Variants in RBFOX2 observed in about 807,000 individuals in gnomAD.
The protein encoded by RBFOX2 is RNA binding protein fox-1 homolog 2.
RBFOX2 carries 10 observed loss-of-function variants against 49.1 expected under a neutral mutation model. The ratio of observed to expected loss-of-function variants is 0.20; its 90% CI spans 0.13 to 0.35. The LOEUF (loss-of-function observed/expected upper bound fraction) is 0.35, where lower values mean the gene tolerates loss of function less well. RBFOX2 is among the 10% of genes least tolerant of loss of function. The pLI is 1.00. For missense variants in RBFOX2, 323 were observed against 486.9 expected, an observed-to-expected ratio of 0.66 and a Z score of 3.17; for synonymous variants, 183 against 187.4, an observed-to-expected ratio of 0.98 and a Z score of 0.19.
intron 1 of RBFOX2, among the ~76,000 whole-genome samples, chr22:35,865,702 G>C (rs1263970045): frequency 6.6e-6 from 1 of 152,096 alleles, no homozygotes; most frequent in African/African-American, 2.4e-5. Flanking sequence ...GCTGCAAATA[G>C]ATGAGTATGA....
At chr22:35,986,657 T>C (rs556585884) in intron 1 of RBFOX2, among the ~76,000 whole-genome samples, 19 of 152,262 alleles carry the variant, frequency 1.2e-4, no homozygotes, top group African/African-American at 4.6e-4. Flanking sequence ...AAGCCCAAAG[T>C]AAATGAGATA....
At chr22:35,971,850 G>A (rs1333892542) in intron 1 of RBFOX2, among the ~76,000 whole-genome samples, 1 of 147,292 alleles carries the variant, frequency 6.8e-6, no homozygotes, top group East Asian at 2.0e-4. Context: ...TACTGTAGCA[G>A]GCCCATCTGG....
At chr22:35,818,382 A>C (rs1384476551) in intron 1 of RBFOX2, among the ~76,000 whole-genome samples, 1 of 152,210 alleles carries the variant, frequency 6.6e-6, no homozygotes, top group East Asian at 1.9e-4. Flanking sequence ...CAATCCATGG[A>C]AAATTATTCT....
intron 1 of RBFOX2, among the ~76,000 whole-genome samples, chr22:35,817,121 T>C (rs747398348): frequency 5.9e-5 from 9 of 152,174 alleles, no homozygotes; most frequent in Middle Eastern, 3.4e-3. Flanking sequence ...GGTTACAGCA[T>C]GCCTCCAGGA....
At chr22:35,780,864 C>G (rs1944998212) in intron 3 of RBFOX2, among the ~76,000 whole-genome samples, 2 of 152,154 alleles carry the variant, frequency 1.3e-5, no homozygotes, top group Admixed American at 6.5e-5. Context: ...ACCTCTAAAC[C>G]TGTATTCTCT....
intron 1 of RBFOX2, among the ~76,000 whole-genome samples, chr22:35,860,914 T>C (rs975730825): frequency 2.0e-5 from 3 of 152,226 alleles, no homozygotes; most frequent in Non-Finnish European, 4.4e-5. Flanking sequence ...TCGAATGCTA[T>C]ACCTGATGTT....
chr22:35,813,586 T>C (rs1952368560), intron 1 of RBFOX2, among the ~76,000 whole-genome samples: 1 of 152,192 alleles, frequency 6.6e-6, no homozygotes, highest in South Asian at 2.1e-4. Context: ...TCTTATAACA[T>C]TTAGCTTGCA....
At chr22:35,761,882 T>C (rs748886562) in intron 6 of RBFOX2, among the ~76,000 whole-genome samples, 10 of 152,198 alleles carry the variant, frequency 6.6e-5, no homozygotes, top group African/African-American at 9.7e-5. Context: ...TTTATTACTC[T>C]AGTTGTTTTA....
chr22:35,840,877 G>T (rs1958651334), upstream of RBFOX2, among the ~76,000 whole-genome samples: 1 of 152,124 alleles, frequency 6.6e-6, no homozygotes, highest in African/African-American at 2.4e-5. Context: ...TAGATGCAGT[G>T]GATTTAACAA....
At chr22:35,927,068 G>A (rs187257121) in intron 1 of RBFOX2, among the ~76,000 whole-genome samples, 51 of 152,204 alleles carry the variant, frequency 3.4e-4, no homozygotes, top group African/African-American at 1.2e-3. Context: ...CCTAGTCCTC[G>A]CAGTATTTCC....
chr22:35,827,526 G>C (rs1956011556), intron 1 of RBFOX2, among the ~76,000 whole-genome samples: 1 of 152,116 alleles, frequency 6.6e-6, no homozygotes, highest in Non-Finnish European at 1.5e-5. Context: ...TAAAGAATTT[G>C]ATTCTAGTTT....
intron 1 of RBFOX2, among the ~76,000 whole-genome samples, chr22:35,944,580 C>T (rs995115566): frequency 5.9e-5 from 9 of 152,108 alleles, no homozygotes; most frequent in African/African-American, 2.2e-4. Context: ...TACAGTTATA[C>T]TTGTGATATA....
At chr22:35,922,529 G>A (rs2051145999) in intron 1 of RBFOX2, among the ~76,000 whole-genome samples, 2 of 151,020 alleles carry the variant, frequency 1.3e-5, no homozygotes, top group South Asian at 4.2e-4. Flanking sequence ...CCAAGATTGC[G>A]CCACTGCACT....
intron 9 of RBFOX2, chr22:35,746,989 C>T (rs552073718): frequency 1.3e-5 from 2 of 153,564 alleles, no homozygotes; most frequent in Middle Eastern, 3.4e-3. Flanking sequence ...TTCAGATTCT[C>T]TAACGTGTTC....
chr22:35,815,842 A>AT, intron 1 of RBFOX2, among the ~76,000 whole-genome samples: 2 of 152,324 alleles, frequency 1.3e-5, no homozygotes, highest in Middle Eastern at 6.8e-3. Context: ...AAATTATATC[A>AT]TTTTGATCCC....
At chr22:36,028,537 CGCGTGCGTGCGT>C (rs990342798) in exon 1 of RBFOX2, 1 of 947,420 alleles carries the variant, frequency 1.1e-6, no homozygotes, top group Non-Finnish European at 1.3e-6. Context: ...CCCCCGCCCC[CGCGTGCGTGCGT>C]GCGTGCGCGC....
exon 1 of RBFOX2, chr22:35,840,574 G>A: frequency 8.5e-7 from 1 of 1,173,388 alleles, no homozygotes; most frequent in Non-Finnish European, 1.1e-6. Context: ...CCAGAAGCAG[G>A]CCTGCTGGAG....
chr22:35,856,741 T>A (rs1373634779), intron 1 of RBFOX2, among the ~76,000 whole-genome samples: 2 of 151,846 alleles, frequency 1.3e-5, no homozygotes, highest in Non-Finnish European at 2.9e-5. Context: ...ATTAGAAATA[T>A]GCAACACTGG....
intron 4 of RBFOX2, among the ~76,000 whole-genome samples, chr22:35,771,153 A>G (rs538744940): frequency 4.6e-5 from 7 of 152,312 alleles, no homozygotes; most frequent in African/African-American, 1.7e-4. Flanking sequence ...TTACACGGCA[A>G]AAGGGATTTT....
Sources: gnomAD v4.1 joint callset for allele counts (sites outside exome capture counted in the v4.1 genomes callset) on GRCh38, gnomAD v4.1.1 for gene constraint, MANE v1.5 for transcripts, NCBI Gene and HGNC (gene_info 2026-07-23, HGNC 2026-07-21) for gene names.